Variants in ANKDD1B observed in about 807,000 individuals in gnomAD.
The protein encoded by ANKDD1B is ankyrin repeat and death domain-containing protein 1B.
A neutral mutation model predicts 59.7 loss-of-function variants in ANKDD1B; 57 were observed. The observed-to-expected ratio is 0.95, with a 90% CI of 0.77 to 1.19. The LOEUF (loss-of-function observed/expected upper bound fraction) is 1.19, where lower values mean the gene tolerates loss of function less well. Among genes scored for constraint, ANKDD1B ranks in the 50% most tolerant of loss-of-function variants. The pLI is 0.00. For missense variants in ANKDD1B, 602 were observed against 641.9 expected, an observed-to-expected ratio of 0.94 and a Z score of 0.67; for synonymous variants, 216 against 239.5, an observed-to-expected ratio of 0.90 and a Z score of 0.91.
rs371043103 is a variant in ANKDD1B at position 75,611,619 on chromosome 5, G to A, written c.-16G>A. 1.9e-4 allele frequency: 237 copies of A among 1,230,882 alleles called. No individual in the cohort carries two copies. The African/African-American group carries it at 2.9e-3, about 15-fold the overall frequency. 76.2% of individuals were successfully genotyped at this position (1,230,882 alleles called of 1,614,324 possible). A position where few individuals can be genotyped will look rare whatever the true frequency, so the allele number is the denominator to read the frequency against. On this transcript the variant is annotated 5_prime_UTR_variant, in exon 1 of 14. Transcript: ENST00000601380. ...GTCTGGGTCTGGCCCTGCGCTCAGG[G>A]CCCGCGGAGGAGACTATGGACCCCG...
intron 5 of ANKDD1B, among the ~76,000 whole-genome samples, chr5:75,629,396 G>A (rs189276949): frequency 5.5e-4 from 83 of 152,160 alleles, no homozygotes; most frequent in Non-Finnish European, 7.9e-4. Flanking sequence ...TGCACTGGAG[G>A]CCCACCAGCG....
At chr5:75,657,911 AAAAG>A (rs1454091061) in intron 9 of ANKDD1B, among the ~76,000 whole-genome samples, 2 of 151,854 alleles carry the variant, frequency 1.3e-5, no homozygotes, top group Non-Finnish European at 2.9e-5. Flanking sequence ...AAAAAAAAAA[AAAAG>A]AAATACTTTT....
chr5:75,666,863 G>A lies in ANKDD1B; in HGVS notation c.1263G>A (p.Glu421=), dbSNP rs1401132442. The A allele has an allele frequency of 1.3e-6, 2 of 1,535,756 alleles. No individual in the cohort carries two copies. The highest frequency in any genetic ancestry group is 1.7e-6 in the Non-Finnish European group (2 of 1,146,758). The part of the protein sequence containing the change: ...TLTFKQDHSL[E]TRHIRTLLWD... ...CATTCAAGCAAGATCACAGTCTGGA[G>A]ACCAGACACATTCGCACGCTTCTCT... Residue 421 remains glutamate, a synonymous_variant, in exon 12 of 14, where the codon GAG becomes GAA. Coordinates refer to ENST00000601380, the MANE Select transcript of ANKDD1B (RefSeq NM_001276713.2).
At chr5:75,650,163 A>G (rs1174030174) in intron 7 of ANKDD1B, among the ~76,000 whole-genome samples, 2 of 152,250 alleles carry the variant, frequency 1.3e-5, no homozygotes, top group Non-Finnish European at 2.9e-5. Flanking sequence ...TGAATATGTT[A>G]TGTTACATGG....
chr5:75,630,961 C>A (rs529970976), intron 5 of ANKDD1B, among the ~76,000 whole-genome samples: 2 of 152,260 alleles, frequency 1.3e-5, no homozygotes, highest in African/African-American at 2.4e-5. Flanking sequence ...ATATATAAAT[C>A]TCAGGAACAA....
intron 5 of ANKDD1B, among the ~76,000 whole-genome samples, chr5:75,629,131 GT>G (rs1302990156): frequency 6.6e-6 from 1 of 152,030 alleles, no homozygotes. Context: ...GAAGACACCT[GT>G]TTTCTTATAT....
At chr5:75,634,050 C>A (rs1774233828) in intron 5 of ANKDD1B, among the ~76,000 whole-genome samples, 1 of 152,224 alleles carries the variant, frequency 6.6e-6, no homozygotes, top group Non-Finnish European at 1.5e-5. Context: ...TGCCCTTGAA[C>A]TTCCAGCCTG....
In ANKDD1B at chr5:75,669,364, A is replaced by C. The variant is rs1775410400; in HGVS notation, c.1506A>C (p.Ala502=). 9.7e-6 allele frequency: 12 copies of C among 1,232,064 alleles called. No homozygotes were observed. The highest frequency in any genetic ancestry group is 1.2e-5 in the Non-Finnish European group (12 of 987,954). The allele number at this position is 1,232,064 out of a possible 1,614,324, so 76.3% of individuals were successfully genotyped here. Reference sequence around the variant, plus strand: ...AACTGTATGAAGAGCTGGTACACGCAGGTTTCCCAAAACTAGCTGGTAAGT... The same window carrying C: ...AACTGTATGAAGAGCTGGTACACGCCGGTTTCCCAAAACTAGCTGGTAAGT... ...AKQLYEELVH[A]GFPKLAEKTR... Residue 502 remains alanine (A), a synonymous_variant, in exon 13 of 14, where the codon GCA becomes GCC. Transcript: ENST00000601380.
chr5:75,635,807 C>T lies in ANKDD1B; in HGVS notation c.723C>T (p.Leu241=), dbSNP rs757862765. 11 of 1,532,984 alleles carry T rather than the reference C, an allele frequency of 7.2e-6. No homozygotes were observed. The highest frequency in any genetic ancestry group is 5.9e-5 in the Admixed American group (3 of 50,872). 95.0% of individuals were successfully genotyped at this position (1,532,984 alleles called of 1,614,324 possible). A position where few individuals can be genotyped will look rare whatever the true frequency, so the allele number is the denominator to read the frequency against. ...AGGGGGGAAACACTGCCTTGCACCT[C>T]GCTGCGAAGCATGGTCACAGTCCTG... The part of the protein sequence containing the change: ...KDKGGNTALH[L]AAKHGHSPAV... The change falls in exon 7 of 14, where the codon CTC becomes CTT. Residue 241 remains leucine (L), a synonymous_variant. Coordinates refer to ENST00000601380, the MANE Select transcript of ANKDD1B (RefSeq NM_001276713.2).
intron 5 of ANKDD1B, 92 bp from the exon 6 acceptor site, chr5:75,634,806 C>T: frequency 1.3e-6 from 1 of 791,062 alleles, no homozygotes; most frequent in Non-Finnish European, 2.1e-6. Context: ...CTTGGACTCC[C>T]CATCATCCTT....
intron 10 of ANKDD1B, among the ~76,000 whole-genome samples, chr5:75,659,837 G>A (rs528436465): frequency 1.2e-4 from 19 of 152,014 alleles, no homozygotes; most frequent in Non-Finnish European, 5.9e-5. Flanking sequence ...TTTAGACACT[G>A]ATGGCATACC....
At chr5:75,612,973 A>T (rs1230520522) in intron 1 of ANKDD1B, among the ~76,000 whole-genome samples, 1 of 152,218 alleles carries the variant, frequency 6.6e-6, no homozygotes, top group Non-Finnish European at 1.5e-5. Context: ...AAGACTAGAA[A>T]GCGAAAGTTG....
At chr5:75,661,883 T>C (rs574856680) in intron 10 of ANKDD1B, among the ~76,000 whole-genome samples, 1 of 150,226 alleles carries the variant, frequency 6.7e-6, no homozygotes, top group East Asian at 2.0e-4. Context: ...AAATATCTTT[T>C]CTATTGGCTC....
At chr5:75,619,528 A>C (rs1773793251) in intron 2 of ANKDD1B, among the ~76,000 whole-genome samples, 1 of 152,212 alleles carries the variant, frequency 6.6e-6, no homozygotes, top group South Asian at 2.1e-4. Context: ...TGCTACCAAG[A>C]AAATCAAATA....
At chr5:75,621,232 G>A (rs1302150921) in intron 3 of ANKDD1B, among the ~76,000 whole-genome samples, 1 of 152,140 alleles carries the variant, frequency 6.6e-6, no homozygotes, top group African/African-American at 2.4e-5. Context: ...TGTTCTATAG[G>A]AGCTCCCTTC....
At chr5:75,620,089 C>T (rs553510477) in intron 2 of ANKDD1B, among the ~76,000 whole-genome samples, 5 of 152,274 alleles carry the variant, frequency 3.3e-5, no homozygotes, top group Admixed American at 6.5e-5. Flanking sequence ...TTTCATCTTG[C>T]GGCGTGTCCT....
intron 11 of ANKDD1B, among the ~76,000 whole-genome samples, chr5:75,666,196 G>A (rs942556988): frequency 1.3e-5 from 2 of 152,164 alleles, no homozygotes; most frequent in African/African-American, 4.8e-5. Flanking sequence ...TCTAGGCATA[G>A]TGCTGTTGGT....
intron 1 of ANKDD1B, among the ~76,000 whole-genome samples, chr5:75,612,239 G>T (rs1246197868): frequency 1.3e-5 from 2 of 151,536 alleles, no homozygotes; most frequent in Non-Finnish European, 2.9e-5. Context: ...GATCATCTAT[G>T]CCTTGGGAAT....
chr5:75,640,560 C>T (rs1561440680), intron 7 of ANKDD1B, among the ~76,000 whole-genome samples: 1 of 152,180 alleles, frequency 6.6e-6, no homozygotes, highest in Admixed American at 6.5e-5. Flanking sequence ...AATTTCATTC[C>T]ATGACAAAGG....
Sources: gnomAD v4.1 joint callset for allele counts (sites outside exome capture counted in the v4.1 genomes callset) on GRCh38, gnomAD v4.1.1 for gene constraint, MANE v1.5 for transcripts, NCBI Gene and HGNC (gene_info 2026-07-23, HGNC 2026-07-21) for gene names.